Variants in ADAM23 observed in about 807,000 individuals in gnomAD.
The protein encoded by ADAM23 is ADAM metallopeptidase domain 23, also known as disintegrin and metalloproteinase domain-containing protein 23.
A neutral mutation model predicts 120.1 loss-of-function variants in ADAM23; 33 were observed. That is an observed-to-expected ratio of 0.27 (90% CI 0.21 to 0.37). The LOEUF is 0.37. Ranked by LOEUF, ADAM23 falls within the 10% of genes least tolerant of loss-of-function variation. The pLI is 1.00. For synonymous variants in ADAM23, 367 were observed against 375.2 expected (o/e 0.98, Z 0.25); for missense variants, 862 against 1,058.2 (o/e 0.81, Z 2.57).
chr2:206,573,224 AT>A, intron 18 of ADAM23, 29 bp downstream of exon 18: 1 of 1,598,912 alleles, frequency 6.3e-7, no homozygotes, highest in Non-Finnish European at 8.6e-7. Context: ...TTGGTAATAC[AT>A]TTTACTTGTA....
At chr2:206,570,930 C>A (rs1389679433) in intron 16 of ADAM23, 119 bp downstream of exon 16, 3 of 800,202 alleles carry the variant, frequency 3.7e-6, no homozygotes, top group Non-Finnish European at 6.2e-6. Context: ...TCTCATCTCT[C>A]TGATTAGTGC....
intron 2 of ADAM23, among the ~76,000 whole-genome samples, chr2:206,451,986 C>A (rs936427121): frequency 6.6e-6 from 1 of 152,176 alleles, no homozygotes; most frequent in Non-Finnish European, 1.5e-5. Flanking sequence ...GGTATTGACA[C>A]GTGCTTGCAG....
intron 3 of ADAM23, among the ~76,000 whole-genome samples, chr2:206,510,864 C>T (rs918992790): frequency 6.6e-6 from 1 of 152,184 alleles, no homozygotes; most frequent in African/African-American, 2.4e-5. Flanking sequence ...CAGTAACTTC[C>T]AGGTGTACTA....
chr2:206,576,155 G>A (rs1279075057), intron 18 of ADAM23, among the ~76,000 whole-genome samples: 1 of 152,096 alleles, frequency 6.6e-6, no homozygotes, highest in African/African-American at 2.4e-5. Context: ...GACAAAGTAT[G>A]AGAATTGTAG....
chr2:206,514,646 GT>G (rs1416488230), intron 3 of ADAM23, among the ~76,000 whole-genome samples: 1 of 152,214 alleles, frequency 6.6e-6, no homozygotes, highest in Non-Finnish European at 1.5e-5. Flanking sequence ...TTTGAAAGAA[GT>G]TCTGCTGCGG....
At chr2:206,518,334 A>T (rs1330565026) in intron 3 of ADAM23, among the ~76,000 whole-genome samples, 1 of 152,164 alleles carries the variant, frequency 6.6e-6, no homozygotes, top group Admixed American at 6.6e-5. Flanking sequence ...AAATGTCTAG[A>T]CTCTATAATT....
At chr2:206,468,724 C>T (rs138837542) in intron 2 of ADAM23, among the ~76,000 whole-genome samples, 31 of 152,270 alleles carry the variant, frequency 2.0e-4, no homozygotes, top group African/African-American at 7.0e-4. Flanking sequence ...CAATACCTCA[C>T]TCTTGGTACC....
chr2:206,462,627 A>C (rs573299895), intron 2 of ADAM23, among the ~76,000 whole-genome samples: 2 of 152,268 alleles, frequency 1.3e-5, no homozygotes, highest in African/African-American at 4.8e-5. Flanking sequence ...GAGAAAAGTA[A>C]ACTTGGAGAC....
At chr2:206,463,326 C>A in intron 2 of ADAM23, among the ~76,000 whole-genome samples, 2 of 152,040 alleles carry the variant, frequency 1.3e-5, no homozygotes, top group East Asian at 3.9e-4. Flanking sequence ...TTGAGTGATG[C>A]GAGGAGGGGC....
chr2:206,539,217 C>T (rs1219201880), intron 4 of ADAM23, among the ~76,000 whole-genome samples: 1 of 152,112 alleles, frequency 6.6e-6, no homozygotes, highest in Non-Finnish European at 1.5e-5. Flanking sequence ...TTTTTAATTT[C>T]CTGTGACTAG....
Position 206,547,510 on chromosome 2 carries a change from T to C in ADAM23, c.793+9T>C, listed in dbSNP as rs1308230167. The C allele has an allele frequency of 1.3e-6, 2 of 1,597,558 alleles. No individual in the cohort carries two copies. The highest frequency in any genetic ancestry group is 8.6e-7 in the Non-Finnish European group (1 of 1,166,364). ...GCAAATGAAGAATCTCAGTAAGTTT[T>C]AACTAAAAATAGCGATTATATTTTA... On this transcript the variant is annotated intron_variant, in intron 7 of 25. Coordinates refer to ENST00000264377, the MANE Select transcript of ADAM23 (RefSeq NM_003812.4).
At chr2:206,451,892 C>T (rs576093967) in intron 2 of ADAM23, among the ~76,000 whole-genome samples, 1 of 152,316 alleles carries the variant, frequency 6.6e-6, no homozygotes, top group Admixed American at 6.5e-5. Context: ...AATTATGTGG[C>T]TCCCCAGCGA....
intron 2 of ADAM23, among the ~76,000 whole-genome samples, chr2:206,456,754 C>T (rs1695309262): frequency 6.6e-6 from 1 of 152,036 alleles, no homozygotes; most frequent in Non-Finnish European, 1.5e-5. Context: ...CTTCTTTTTG[C>T]CCTCAGTGGG....
At chr2:206,582,369 G>C (rs1698235621) in intron 18 of ADAM23, among the ~76,000 whole-genome samples, 2 of 152,126 alleles carry the variant, frequency 1.3e-5, no homozygotes, top group African/African-American at 4.8e-5. Flanking sequence ...ACTCCTGCTT[G>C]CTTTTGGTGT....
At chr2:206,535,151 C>T (rs181811028) in intron 4 of ADAM23, among the ~76,000 whole-genome samples, 1 of 152,244 alleles carries the variant, frequency 6.6e-6, no homozygotes, top group East Asian at 1.9e-4. Flanking sequence ...CTATTAGATT[C>T]TCAACTAATC....
At chr2:206,531,458 A>C (rs1231813291) in intron 4 of ADAM23, among the ~76,000 whole-genome samples, 1 of 152,228 alleles carries the variant, frequency 6.6e-6, no homozygotes, top group Non-Finnish European at 1.5e-5. Context: ...GAGAGGGCAA[A>C]TAAGCCTGCT....
chr2:206,511,328 G>A (rs140087889), intron 3 of ADAM23, among the ~76,000 whole-genome samples: 2,494 of 152,034 alleles, frequency 0.016, 39 homozygotes, highest in Non-Finnish European at 0.027. Flanking sequence ...TCTCCCCTGC[G>A]GTTTGCTACT....
chr2:206,552,544 T>C (rs750356056), intron 9 of ADAM23, among the ~76,000 whole-genome samples: 3 of 152,182 alleles, frequency 2.0e-5, no homozygotes, highest in African/African-American at 4.8e-5. Context: ...ATTTTATATG[T>C]AGAAAATTTC....
chr2:206,490,184 G>A (rs1049005583), intron 3 of ADAM23, among the ~76,000 whole-genome samples: 1 of 152,162 alleles, frequency 6.6e-6, no homozygotes, highest in African/African-American at 2.4e-5. Context: ...GATGGACGGC[G>A]GCTGTCTGCA....
Sources: gnomAD v4.1 joint callset for allele counts (sites outside exome capture counted in the v4.1 genomes callset) on GRCh38, gnomAD v4.1.1 for gene constraint, MANE v1.5 for transcripts, NCBI Gene and HGNC (gene_info 2026-07-23, HGNC 2026-07-21) for gene names.